The following FBXW7 variants were observed in gnomAD, a reference collection of about 807,000 sequenced individuals.
FBXW7 encodes F-box and WD repeat domain containing 7, also known as F-box/WD repeat-containing protein 7.
FBXW7 carries 11 observed loss-of-function variants against 86.3 expected under a neutral mutation model. The observed-to-expected ratio is 0.13, with a 90% CI of 0.08 to 0.21. FBXW7 has a LOEUF of 0.21. Among genes scored for constraint, FBXW7 ranks in the 10% least tolerant of loss-of-function variants. FBXW7 has a pLI of 1.00. For missense variants in FBXW7, 488 were observed against 847.4 expected, an observed-to-expected ratio of 0.58 and a Z score of 5.27; for synonymous variants, 313 against 297.9, an observed-to-expected ratio of 1.05 and a Z score of -0.52.
chr4:152,348,189 A>G (rs148224520), intron 5 of FBXW7, among the ~76,000 whole-genome samples: 2 of 146,194 alleles, frequency 1.4e-5, no homozygotes, highest in Non-Finnish European at 3.1e-5. Flanking sequence ...AATGTATCTC[A>G]GTCACCAGAT....
In FBXW7 at chr4:152,494,537, A is replaced by C. The variant is rs60612142; in HGVS notation, c.-120+40404T>G. 6.2e-4 allele frequency among the ~76,000 whole-genome samples: 95 copies of C among 152,314 alleles called. 1 individual carries two copies. In the East Asian group the frequency reaches 0.018, roughly 28 times the overall value. Reference sequence around the variant, plus strand: ...ATTCAGGTGGTATAGGAATGAAAGAATCTGATAACCGAGTTAATCCAGAAT... The same window carrying C: ...ATTCAGGTGGTATAGGAATGAAAGACTCTGATAACCGAGTTAATCCAGAAT... On this transcript the variant is annotated intron_variant, in intron 2 of 13. Transcript: ENST00000281708.
At chr4:152,330,985 T>G (rs1215709144) in intron 8 of FBXW7, 117 bp from the exon 9 acceptor site, 7 of 950,356 alleles carry the variant, frequency 7.4e-6, no homozygotes, top group Non-Finnish European at 1.1e-5. Flanking sequence ...ACCACTGAAA[T>G]GCAAGACATT....
At chr4:152,430,908 T>C (rs929664808) in intron 2 of FBXW7, among the ~76,000 whole-genome samples, 2 of 152,236 alleles carry the variant, frequency 1.3e-5, no homozygotes, top group Admixed American at 6.5e-5. Context: ...TGGTCAGTAT[T>C]GTATCCCCAG....
intron 4 of FBXW7, among the ~76,000 whole-genome samples, chr4:152,350,615 G>C (rs1477743888): frequency 6.6e-6 from 1 of 151,836 alleles, no homozygotes; most frequent in East Asian, 1.9e-4. Flanking sequence ...CATTATAAGA[G>C]GGTAAAGAGC....
chr4:152,498,012 G>A (rs988267462), intron 2 of FBXW7, among the ~76,000 whole-genome samples: 4 of 152,116 alleles, frequency 2.6e-5, no homozygotes, highest in African/African-American at 9.7e-5. Context: ...ATAATCGTAA[G>A]GACTTTAGGA....
chr4:152,325,954 C>A (rs2126490580), intron 12 of FBXW7, 52 bp downstream of exon 12: 1 of 1,470,236 alleles, frequency 6.8e-7, no homozygotes, highest in Non-Finnish European at 9.5e-7. Flanking sequence ...CTGAGTAAAA[C>A]AACCTTATGA....
At chr4:152,387,283 C>T (rs1265376751) in intron 4 of FBXW7, among the ~76,000 whole-genome samples, 1 of 152,144 alleles carries the variant, frequency 6.6e-6, no homozygotes, top group African/African-American at 2.4e-5. Flanking sequence ...GAAAGTCCCA[C>T]ATGCTAAAAA....
At chr4:152,469,384 A>C (rs945506506) in intron 2 of FBXW7, among the ~76,000 whole-genome samples, 1 of 152,146 alleles carries the variant, frequency 6.6e-6, no homozygotes, top group African/African-American at 2.4e-5. Flanking sequence ...TCAAAAATAA[A>C]AAAGTAAAAG....
At chr4:152,371,177 T>C (rs1041665184) in intron 4 of FBXW7, among the ~76,000 whole-genome samples, 2 of 151,930 alleles carry the variant, frequency 1.3e-5, no homozygotes, top group Non-Finnish European at 2.9e-5. Flanking sequence ...TACTGTTATT[T>C]ATACCAAAAT....
chr4:152,475,171 T>G (rs902096861), intron 2 of FBXW7, among the ~76,000 whole-genome samples: 14 of 151,408 alleles, frequency 9.2e-5, no homozygotes, highest in Non-Finnish European at 2.1e-4. Flanking sequence ...CCAAGTGTGG[T>G]GGCTAATGCC....
rs1332816751 is a variant in FBXW7 at position 152,337,726 on chromosome 4, C to G, written c.861+76G>C. On this transcript the variant is annotated intron_variant, in intron 7 of 13. Transcript: ENST00000281708. ...ATACCGAATACCATAATTAGCATGA[C>G]AATGTTTAAAGGTGGTAGCTGTTGA... 2.8e-6 allele frequency: 4 copies of G among 1,420,826 alleles called. No homozygotes were observed. The African/African-American group carries it at 5.7e-5, about 20-fold the overall frequency. The allele number at this position is 1,420,826 out of a possible 1,614,324, so 88.0% of individuals were successfully genotyped here. A position where few individuals can be genotyped will look rare whatever the true frequency, so the allele number is the denominator to read the frequency against.
chr4:152,532,313 C>G (rs1331240520), intron 2 of FBXW7, among the ~76,000 whole-genome samples: 1 of 152,142 alleles, frequency 6.6e-6, no homozygotes, highest in East Asian at 1.9e-4. Context: ...CCTGGATAGC[C>G]ACGATATAAT....
At chr4:152,529,777 G>C (rs1749845174) in intron 2 of FBXW7, among the ~76,000 whole-genome samples, 1 of 152,054 alleles carries the variant, frequency 6.6e-6, no homozygotes, top group Non-Finnish European at 1.5e-5. Context: ...AGACCAGCCT[G>C]GGCAACATGA....
chr4:152,414,711 G>T (rs1738275247), intron 2 of FBXW7, among the ~76,000 whole-genome samples: 1 of 152,082 alleles, frequency 6.6e-6, no homozygotes, highest in Non-Finnish European at 1.5e-5. Flanking sequence ...TAAGTGTGGG[G>T]AACAACATTC....
chr4:152,524,717 A>ACAAC (rs1554002534), intron 2 of FBXW7, among the ~76,000 whole-genome samples: 2 of 152,000 alleles, frequency 1.3e-5, no homozygotes, highest in Non-Finnish European at 2.9e-5. Flanking sequence ...CCACCTCTGT[A>ACAAC]CAACCCCACT....
At chr4:152,469,380 A>G (rs1743743021) in intron 2 of FBXW7, among the ~76,000 whole-genome samples, 1 of 152,134 alleles carries the variant, frequency 6.6e-6, no homozygotes, top group East Asian at 1.9e-4. Context: ...TTACTCAAAA[A>G]TAAAAAAGTA....
intron 2 of FBXW7, among the ~76,000 whole-genome samples, chr4:152,442,134 C>T (rs1740949212): frequency 6.6e-6 from 1 of 152,168 alleles, no homozygotes; most frequent in Non-Finnish European, 1.5e-5. Context: ...CATATAACTT[C>T]CCCTACTTAT....
intron 2 of FBXW7, among the ~76,000 whole-genome samples, chr4:152,490,592 G>A (rs1316022704): frequency 6.6e-6 from 1 of 151,910 alleles, no homozygotes; most frequent in Non-Finnish European, 1.5e-5. Context: ...CTCAAACCCT[G>A]GCAGTCTGAC....
At chr4:152,466,236 TA>T in intron 2 of FBXW7, among the ~76,000 whole-genome samples, 1 of 152,076 alleles carries the variant, frequency 6.6e-6, no homozygotes, top group South Asian at 2.1e-4. Flanking sequence ...CGATAAAAAA[TA>T]AGGAACTAAA....
Sources: allele counts gnomAD v4.1 joint callset (sites outside exome capture counted in the v4.1 genomes callset), GRCh38; gene constraint gnomAD v4.1.1; transcripts MANE v1.5; gene names NCBI Gene and HGNC (gene_info 2026-07-23, HGNC 2026-07-21).